Variants in APBB2 observed in about 807,000 individuals in gnomAD.
APBB2 encodes the protein amyloid beta precursor protein binding family B member 2, also known as Fe65-like 1.
Under a neutral mutation model 82.5 loss-of-function variants are expected in APBB2, and 38 were observed. The observed-to-expected ratio is 0.46, with a 90% confidence interval of 0.36 to 0.60. The LOEUF is 0.60. Among genes scored for constraint, APBB2 ranks in the 20% least tolerant of loss-of-function variants. The pLI, the probability that APBB2 is intolerant of heterozygous loss-of-function variation, is 0.00. For synonymous variants in APBB2, 341 were observed against 368.2 expected, an observed-to-expected ratio of 0.93 and a Z score of 0.85; for missense variants, 772 against 972.3, an observed-to-expected ratio of 0.79 and a Z score of 2.74.
chr4:40,890,446 C>A lies in APBB2; in HGVS notation c.1447G>T (p.Val483Leu), dbSNP rs376913724. The A allele has an allele frequency of 1.6e-5, 26 of 1,614,104 alleles. No homozygotes were observed. In the African/African-American group the frequency reaches 3.3e-4, roughly 21 times the overall value. Residue 483 changes from valine (V) to leucine (L), a missense_variant, in exon 12 of 18, where the codon GTG (valine) becomes TTG (leucine). Transcript: ENST00000508593. ...LILENDMLSL[V>L]DPMDRSVLHS... ...AGCACGCTGCGGTCCATGGGGTCCA[C>A]CAGGCTGAGCATGTCATTCTCCAGG...
intron 6 of APBB2, among the ~76,000 whole-genome samples, chr4:40,978,726 A>C (rs1039261815): frequency 2.6e-5 from 4 of 152,218 alleles, no homozygotes; most frequent in African/African-American, 9.6e-5. Flanking sequence ...CATATGAGTC[A>C]TCATGAAAAT....
intron 2 of APBB2, among the ~76,000 whole-genome samples, chr4:41,103,947 C>T (rs1164805332): frequency 6.6e-6 from 1 of 152,292 alleles, no homozygotes; most frequent in Non-Finnish European, 1.5e-5. Flanking sequence ...AAACCCATTA[C>T]AGAGGCCAAA....
At chr4:41,076,309 G>A (rs1264538409) in intron 3 of APBB2, among the ~76,000 whole-genome samples, 3 of 152,192 alleles carry the variant, frequency 2.0e-5, no homozygotes, top group African/African-American at 7.2e-5. Flanking sequence ...GGGATGGCTT[G>A]CAAGTCATTT....
chr4:41,196,072 T>C, intron 1 of APBB2, among the ~76,000 whole-genome samples: 35 of 151,682 alleles, frequency 2.3e-4, no homozygotes, highest in African/African-American at 8.0e-4. Flanking sequence ...GGCAAGAGAA[T>C]GGCGTGAACC....
intron 1 of APBB2, chr4:41,193,879 A>G: frequency 6.6e-6 from 1 of 152,224 alleles, no homozygotes. Flanking sequence ...GTAAAGATAA[A>G]TCTGAAAACA....
intron 1 of APBB2, among the ~76,000 whole-genome samples, chr4:41,168,036 C>G (rs1044310402): frequency 6.6e-6 from 1 of 151,898 alleles, no homozygotes; most frequent in Non-Finnish European, 1.5e-5. Flanking sequence ...TTTGGGAGGC[C>G]GAGGCGGGCG....
At chr4:41,210,913 CATAAG>C (rs1310782175) in intron 1 of APBB2, among the ~76,000 whole-genome samples, 1 of 152,184 alleles carries the variant, frequency 6.6e-6, no homozygotes, top group African/African-American at 2.4e-5. Context: ...ATGCTTACAG[CATAAG>C]ATGATATATA....
chr4:40,829,371 G>A (rs1267357799), intron 13 of APBB2, among the ~76,000 whole-genome samples: 1 of 152,206 alleles, frequency 6.6e-6, no homozygotes, highest in East Asian at 1.9e-4. Context: ...AGAGACGGGG[G>A]TGGTGGATCT....
intron 6 of APBB2, among the ~76,000 whole-genome samples, chr4:41,008,011 G>A (rs186189713): frequency 2.1e-3 from 313 of 152,338 alleles, no homozygotes; most frequent in Middle Eastern, 6.8e-3. Context: ...GTTTCATAGT[G>A]GAAGTGGCAT....
At chr4:41,075,203 A>G (rs1291415832) in intron 3 of APBB2, among the ~76,000 whole-genome samples, 2 of 152,208 alleles carry the variant, frequency 1.3e-5, no homozygotes, top group Non-Finnish European at 2.9e-5. Flanking sequence ...AAAACCTTTA[A>G]AATTTGAATT....
intron 6 of APBB2, among the ~76,000 whole-genome samples, chr4:40,985,444 G>T (rs11735241): frequency 0.35 from 53,759 of 151,960 alleles, 9,557 homozygotes; most frequent in Middle Eastern, 0.39. Context: ...GAGCTTTTCA[G>T]GCGGTTACAT....
chr4:40,943,369 TAGAGGAATGGAG>T (rs2094955680), intron 7 of APBB2, among the ~76,000 whole-genome samples: 1 of 152,114 alleles, frequency 6.6e-6, no homozygotes, highest in Non-Finnish European at 1.5e-5. Context: ...AGGCTTGGAA[TAGAGGAATGGAG>T]AAAGATTCTT....
At chr4:40,976,968 G>A (rs188590577) in intron 6 of APBB2, among the ~76,000 whole-genome samples, 2 of 152,284 alleles carry the variant, frequency 1.3e-5, no homozygotes, top group African/African-American at 2.4e-5. Flanking sequence ...AGGATCACTT[G>A]AGCCCAGGAG....
At chr4:40,831,098 C>T (rs779927939) in intron 12 of APBB2, among the ~76,000 whole-genome samples, 1 of 151,910 alleles carries the variant, frequency 6.6e-6, no homozygotes, top group Non-Finnish European at 1.5e-5. Context: ...GACTTAGCCT[C>T]TAAAAATTTT....
chr4:40,845,432 C>T (rs933164705), intron 12 of APBB2, among the ~76,000 whole-genome samples: 4 of 151,968 alleles, frequency 2.6e-5, no homozygotes, highest in South Asian at 2.1e-4. Flanking sequence ...CCACATGAGC[C>T]GCACATCCCA....
At chr4:41,185,811 A>C (rs1224074631) in intron 1 of APBB2, among the ~76,000 whole-genome samples, 1 of 152,224 alleles carries the variant, frequency 6.6e-6, no homozygotes, top group Non-Finnish European at 1.5e-5. Flanking sequence ...GTTAAGCCTG[A>C]CTATAAAGTA....
intron 12 of APBB2, among the ~76,000 whole-genome samples, chr4:40,854,696 G>C (rs1040722988): frequency 1.3e-5 from 2 of 151,382 alleles, no homozygotes; most frequent in South Asian, 4.2e-4. Flanking sequence ...GGCTGAGGCA[G>C]GAGAATCGCT....
intron 2 of APBB2, among the ~76,000 whole-genome samples, chr4:41,102,459 C>A (rs918542552): frequency 6.6e-6 from 1 of 152,150 alleles, no homozygotes; most frequent in Admixed American, 6.6e-5. Flanking sequence ...TCTGCTATAA[C>A]GCTTGTGTTT....
intron 2 of APBB2, among the ~76,000 whole-genome samples, chr4:41,119,758 C>G (rs1752245227): frequency 6.6e-6 from 1 of 152,160 alleles, no homozygotes; most frequent in African/African-American, 2.4e-5. Context: ...TTTGTGAGAT[C>G]TGCACATATA....
Sources: allele counts gnomAD v4.1 joint callset (sites outside exome capture counted in the v4.1 genomes callset), GRCh38; gene constraint gnomAD v4.1.1; transcripts MANE v1.5; gene names NCBI Gene and HGNC (gene_info 2026-07-23, HGNC 2026-07-21).